The following RBBP6 variants were observed in gnomAD, a reference collection of about 807,000 sequenced individuals.
The protein encoded by RBBP6 is E3 ubiquitin-protein ligase RBBP6.
Under a neutral mutation model 167.7 loss-of-function variants are expected in RBBP6, and 25 were observed. The ratio of observed to expected loss-of-function variants is 0.15; its 90% CI spans 0.11 to 0.21. The LOEUF is 0.21. Ranked by LOEUF, RBBP6 falls within the 10% of genes least tolerant of loss-of-function variation. The pLI is 1.00. For missense variants in RBBP6, 1,868 were observed against 2,134.2 expected (o/e 0.88, Z 2.46); for synonymous variants, 789 against 735.8 (o/e 1.07, Z -1.17).
intron 1 of RBBP6, among the ~76,000 whole-genome samples, chr16:24,544,638 C>T (rs1898590354): frequency 6.6e-6 from 1 of 152,150 alleles, no homozygotes. Flanking sequence ...GAGATGGATA[C>T]ATTTTTGCAT....
intron 3 of RBBP6, 168 bp from the exon 4 acceptor site, chr16:24,553,345 T>A: frequency 1.9e-6 from 1 of 526,904 alleles, no homozygotes; most frequent in South Asian, 3.0e-5. Flanking sequence ...GTGTGAAATA[T>A]CTAGAGAAGA....
rs950013132 is a variant in RBBP6, at chr16:24,555,365, A to G, written c.349-250A>G. The G allele has an allele frequency of 9.2e-6, 3 of 327,006 alleles. No homozygotes were observed. The Admixed American group carries it at 1.4e-4, about 15-fold the overall frequency. 20.3% of individuals were successfully genotyped at this position (327,006 alleles called of 1,614,324 possible). A position where few individuals can be genotyped will look rare whatever the true frequency, so the allele number is the denominator to read the frequency against. On this transcript the variant is annotated intron_variant, in intron 4 of 17. Coordinates refer to ENST00000319715, the MANE Select transcript of RBBP6 (RefSeq NM_006910.5). ...GTAGAAAAGTAGTATGCAAGTCTTAATGTAAGGTACAAACAGGGTCTAAGG... is the reference window on the plus strand; with the variant it reads ...GTAGAAAAGTAGTATGCAAGTCTTAGTGTAAGGTACAAACAGGGTCTAAGG...
chr16:24,546,909 TA>T (rs1898668992), intron 2 of RBBP6, among the ~76,000 whole-genome samples: 1 of 152,196 alleles, frequency 6.6e-6, no homozygotes, highest in African/African-American at 2.4e-5. Flanking sequence ...AAATGCACAT[TA>T]TTGGAGTAGG....
chr16:24,544,559 G>A (rs1280294778), intron 1 of RBBP6, among the ~76,000 whole-genome samples: 1 of 152,128 alleles, frequency 6.6e-6, no homozygotes, highest in Non-Finnish European at 1.5e-5. Flanking sequence ...TAGTCACTTT[G>A]TGCAGAGTAA....
intron 17 of RBBP6, 27 bp downstream of exon 17, chr16:24,570,526 G>T: frequency 6.6e-7 from 1 of 1,512,238 alleles, no homozygotes; most frequent in East Asian, 2.3e-5. Flanking sequence ...GGTGGGTGTG[G>T]AACTTTGTTG....
At chr16:24,561,118 A>C (rs910442800) in intron 8 of RBBP6, among the ~76,000 whole-genome samples, 1 of 152,174 alleles carries the variant, frequency 6.6e-6, no homozygotes, top group Non-Finnish European at 1.5e-5. Flanking sequence ...AAAAACCCCA[A>C]GTTAGCCATG....
rs565885492 is a variant in RBBP6, at chr16:24,540,202, A to C, written c.-425A>C. On this transcript the variant is annotated 5_prime_UTR_variant, in exon 1 of 18. Transcript: ENST00000319715. Reference sequence around the variant, plus strand: ...GGGTCACCCCAATCCACGGAGAGAGAGACCCGCCGGGAGGTGCGGCCGCGC... The same window carrying C: ...GGGTCACCCCAATCCACGGAGAGAGCGACCCGCCGGGAGGTGCGGCCGCGC... The C allele has an allele frequency of 1.0e-3, 165 of 157,188 alleles. 2 individuals are homozygous for C. In the East Asian group the frequency reaches 0.022, roughly 21 times the overall value. The allele number at this position is 157,188 out of a possible 1,614,324, so 9.7% of individuals were successfully genotyped here.
rs1898427498 is a variant in RBBP6, at chr16:24,539,613, G to A, written c.-1014G>A. On this transcript the variant is annotated 5_prime_UTR_variant, in exon 1 of 18. Coordinates refer to ENST00000319715, the MANE Select transcript of RBBP6 (RefSeq NM_006910.5). ...CCAGGCCGCGTCCGCCATAGTACCT[G>A]GCTTGGAGGTGTCGCCGCCGCTCGG... The A allele has an allele frequency of 6.6e-6, 1 of 152,204 alleles. No homozygotes were observed. Among genetic ancestry groups the A allele is most frequent in the South Asian group, 2.1e-4 (1 of 4,840 alleles). The allele number at this position is 152,204 out of a possible 1,614,324, so 9.4% of individuals were successfully genotyped here. A position where few individuals can be genotyped will look rare whatever the true frequency, so the allele number is the denominator to read the frequency against.
chr16:24,559,754 T>C, intron 8 of RBBP6, 77 bp downstream of exon 8: 1 of 1,210,606 alleles, frequency 8.3e-7, no homozygotes, highest in Admixed American at 2.9e-5. Flanking sequence ...CCCAACCTCA[T>C]ATGTTTTAAT....
chr16:24,549,215 A>G (rs940784120), intron 3 of RBBP6: 6 of 1,411,716 alleles, frequency 4.3e-6, no homozygotes, highest in African/African-American at 1.4e-5. Context: ...ATTAAATATG[A>G]TAGCATTATC....
intron 9 of RBBP6, 53 bp downstream of exon 9, chr16:24,561,768 T>G (rs562158972): frequency 3.8e-5 from 61 of 1,605,754 alleles, no homozygotes; most frequent in Non-Finnish European, 4.9e-5. Context: ...GATTTAACTG[T>G]ACTTCAGTGA....
At chr16:24,570,584 A>C in intron 17 of RBBP6, 85 bp downstream of exon 17, 9 of 1,212,680 alleles carry the variant, frequency 7.4e-6, no homozygotes, top group Non-Finnish European at 8.9e-6. Context: ...TTTTTATATT[A>C]ATTATGAATG....
rs751022695 is a variant in RBBP6, at chr16:24,567,490, G to A, written c.1937G>A (p.Arg646Gln). 6.2e-7 allele frequency: 1 copy of A among 1,609,496 alleles called. No individual in the cohort carries two copies. The highest frequency in any genetic ancestry group is 1.1e-5 in the South Asian group (1 of 90,916). ...AGGGAAGAATTCTATAGAGAGCAGCGACGACTAAAAGAAGAGTATGTATTC... is the reference window on the plus strand; with the variant it reads ...AGGGAAGAATTCTATAGAGAGCAGCAACGACTAAAAGAAGAGTATGTATTC... ...LSREEFYREQ[R>Q]RLKEEEKKKS... is the part of the protein sequence containing the mutation. Residue 646 changes from arginine (R) to glutamine (Q), a missense_variant, in exon 15 of 18, where the codon CGA becomes CAA. Physicochemically the swap from Arg to Gln is conservative, Grantham distance 43 (BLOSUM62 1). Coordinates refer to ENST00000319715, the MANE Select transcript of RBBP6 (RefSeq NM_006910.5).
rs1190149850 is a variant in RBBP6, at chr16:24,572,580, A to G, written c.*135A>G. The G allele has an allele frequency of 2.4e-6, 3 of 1,266,756 alleles. No individual in the cohort carries two copies. The highest frequency in any genetic ancestry group is 3.1e-6 in the Non-Finnish European group (3 of 956,400). The allele number at this position is 1,266,756 out of a possible 1,614,324, so 78.5% of individuals were successfully genotyped here. Reference sequence around the variant, plus strand: ...GCACTTAAAATATTGCTGCTTGATTATTTGATTTTTACATCAGAGCTTTAT... The same window carrying G: ...GCACTTAAAATATTGCTGCTTGATTGTTTGATTTTTACATCAGAGCTTTAT... On this transcript the variant is annotated 3_prime_UTR_variant, in exon 18 of 18. Transcript: ENST00000319715.
In RBBP6 at chr16:24,571,720, A is replaced by G; in HGVS notation, c.4654A>G (p.Lys1552Glu). 3 of 1,614,192 alleles carry G rather than the reference A, an allele frequency of 1.9e-6. No homozygotes were observed. The highest frequency in any genetic ancestry group is 4.5e-5 in the East Asian group (2 of 44,872). ...PHDHKATYDT[K>E]RPNEETKSVD... ...TGATCACAAAGCCACTTATGATACT[A>G]AACGGCCAAATGAAGAGACAAAATC... Residue 1552 changes from lysine (K) to glutamate (E), a missense_variant, in exon 18 of 18, where the codon AAA (lysine) becomes GAA (glutamate). By Grantham distance (56) the Lys-to-Glu change is moderately conservative. Coordinates refer to ENST00000319715, the MANE Select transcript of RBBP6 (RefSeq NM_006910.5).
intron 13 of RBBP6, among the ~76,000 whole-genome samples, chr16:24,564,110 T>A (rs1430221143): frequency 6.6e-6 from 1 of 152,192 alleles, no homozygotes; most frequent in South Asian, 2.1e-4. Flanking sequence ...AAAAATTTTT[T>A]GTCTGAAATC....
In RBBP6 at chr16:24,567,743, T is replaced by G. The variant is rs773846025; in HGVS notation, c.1953-49T>G. ...TCTAATTACATTTGTCTTGTTAGTT[T>G]TCTTAAATGGTTTTTGTTAACTTTC... On this transcript the variant is annotated intron_variant, in intron 15 of 17. Coordinates refer to ENST00000319715, the MANE Select transcript of RBBP6 (RefSeq NM_006910.5). The G allele has an allele frequency of 9.5e-6, 14 of 1,477,210 alleles. No homozygotes were observed. The South Asian group carries it at 1.5e-4, about 16-fold the overall frequency. The allele number at this position is 1,477,210 out of a possible 1,614,324, so 91.5% of individuals were successfully genotyped here. A position where few individuals can be genotyped will look rare whatever the true frequency, so the allele number is the denominator to read the frequency against.
At chr16:24,558,966 A>G (rs927884988) in intron 7 of RBBP6, among the ~76,000 whole-genome samples, 7 of 152,196 alleles carry the variant, frequency 4.6e-5, no homozygotes, top group African/African-American at 7.2e-5. Context: ...CCCTTGAACT[A>G]TCTTTCCTTA....
At chr16:24,568,539 C>G (rs534385634) in intron 16 of RBBP6, among the ~76,000 whole-genome samples, 68 of 152,316 alleles carry the variant, frequency 4.5e-4, no homozygotes, top group African/African-American at 1.5e-3. Flanking sequence ...GTTAAGACTT[C>G]ACTTTTGTTT....
Sources: allele counts gnomAD v4.1 joint callset (sites outside exome capture counted in the v4.1 genomes callset), GRCh38; gene constraint gnomAD v4.1.1; transcripts MANE v1.5; gene names NCBI Gene and HGNC (gene_info 2026-07-23, HGNC 2026-07-21).